IL7: variants seen among roughly 807,000 people sequenced by gnomAD.
The protein encoded by IL7 is interleukin-7.
Under a neutral mutation model 21.6 loss-of-function variants are expected in IL7, and 3 were observed. The ratio of observed to expected loss-of-function variants is 0.14; its 90% CI spans 0.06 to 0.36. The LOEUF is 0.36. IL7 is among the 10% of genes least tolerant of loss of function. The probability of loss-of-function intolerance (pLI) is 1.00; values close to 1 mark genes in which losing one functional copy is unlikely to be tolerated. For synonymous variants in IL7, 62 were observed against 68.1 expected, an observed-to-expected ratio of 0.91 and a Z score of 0.44; for missense variants, 175 against 200.2, an observed-to-expected ratio of 0.87 and a Z score of 0.76.
At chr8:78,746,435 A>G (rs1160482099) in intron 2 of IL7, among the ~76,000 whole-genome samples, 2 of 152,232 alleles carry the variant, frequency 1.3e-5, no homozygotes, top group African/African-American at 2.4e-5. Context: ...TATCCTTCCA[A>G]GATAGTTGCT....
intron 2 of IL7, among the ~76,000 whole-genome samples, chr8:78,744,228 A>T (rs1296070755): frequency 6.6e-6 from 1 of 151,868 alleles, no homozygotes; most frequent in Non-Finnish European, 1.5e-5. Flanking sequence ...CCTCCCTCTG[A>T]GACCTCTGTC....
chr8:78,743,602 T>C (rs1033606254), intron 2 of IL7, among the ~76,000 whole-genome samples: 4 of 152,198 alleles, frequency 2.6e-5, no homozygotes, highest in African/African-American at 7.2e-5. Flanking sequence ...ATTCTTGTAG[T>C]GTGTTTTTCA....
chr8:78,783,962 C>A (rs1357280199), intron 2 of IL7, among the ~76,000 whole-genome samples: 1 of 152,092 alleles, frequency 6.6e-6, no homozygotes, highest in African/African-American at 2.4e-5. Context: ...AGGTAAACTG[C>A]AAGTAAATAT....
chr8:78,722,901 T>C (rs1167548063), intron 3 of IL7, among the ~76,000 whole-genome samples: 2 of 151,442 alleles, frequency 1.3e-5, no homozygotes, highest in Non-Finnish European at 3.0e-5. Flanking sequence ...CTTGCAAAGC[T>C]CAAAAGGTAA....
At chr8:78,692,977 C>T (rs1381952929) in intron 3 of IL7, among the ~76,000 whole-genome samples, 1 of 151,898 alleles carries the variant, frequency 6.6e-6, no homozygotes, top group Non-Finnish European at 1.5e-5. Flanking sequence ...TGAGAACATG[C>T]GGTGTTTGGT....
At chr8:78,782,750 T>C (rs957244028) in intron 2 of IL7, among the ~76,000 whole-genome samples, 2 of 152,256 alleles carry the variant, frequency 1.3e-5, no homozygotes, top group African/African-American at 4.8e-5. Flanking sequence ...CCCACTCGTC[T>C]GAACTGCCTG....
intron 3 of IL7, among the ~76,000 whole-genome samples, chr8:78,689,068 C>A: frequency 6.7e-6 from 1 of 149,664 alleles, no homozygotes; most frequent in African/African-American, 2.4e-5. Context: ...TAAGTTTAGA[C>A]AAGTAAAACT....
At chr8:78,696,600 G>A (rs866497048) in intron 3 of IL7, among the ~76,000 whole-genome samples, 3 of 152,098 alleles carry the variant, frequency 2.0e-5, no homozygotes, top group African/African-American at 2.4e-5. Context: ...AATTAATAAA[G>A]ATGTCTCTTT....
chr8:78,739,896 G>C (rs1586057243), intron 3 of IL7, 106 bp downstream of exon 3: 1 of 993,296 alleles, frequency 1.0e-6, no homozygotes, highest in Non-Finnish European at 1.3e-6. Context: ...ATGTGATCAG[G>C]CTGCAAATAT....
rs148659652 is a variant in IL7, at chr8:78,754,445, G to A, written c.148-14363C>T. Among the ~76,000 whole-genome samples the A allele has an allele frequency of 7.2e-5, 11 of 152,098 alleles. No homozygotes were observed. The East Asian group carries it at 7.7e-4, about 11-fold the overall frequency. ...GCTCATGGAAAGAAGAATCAATGTC[G>A]TGAAAATGGCCATACTGCCCAAAGC... On this transcript the variant is annotated intron_variant, in intron 2 of 5. Coordinates refer to ENST00000263851, the MANE Select transcript of IL7 (RefSeq NM_000880.4).
At chr8:78,760,394 T>C (rs1157465849) in intron 2 of IL7, 5 of 1,606,790 alleles carry the variant, frequency 3.1e-6, no homozygotes, top group African/African-American at 2.7e-5. Flanking sequence ...CAGCAATGCA[T>C]ACACATTAGG....
chr8:78,713,276 G>A (rs1811003628), downstream of IL7, among the ~76,000 whole-genome samples: 1 of 151,990 alleles, frequency 6.6e-6, no homozygotes, highest in African/African-American at 2.4e-5. Flanking sequence ...CATTCTAGAT[G>A]TTACTAAAAA....
intron 4 of IL7, among the ~76,000 whole-genome samples, chr8:78,678,244 G>A (rs79374792): frequency 0.029 from 4,405 of 152,202 alleles, 100 homozygotes; most frequent in Middle Eastern, 0.048. Flanking sequence ...TCCTGTTTAA[G>A]ATGGAGTTGT....
intron 1 of IL7, among the ~76,000 whole-genome samples, chr8:78,802,707 A>G (rs1266948842): frequency 2.6e-5 from 4 of 152,168 alleles, no homozygotes; most frequent in African/African-American, 4.8e-5. Flanking sequence ...TGTTGGGATT[A>G]CAGGCTTGAG....
At chr8:78,708,458 G>C (rs779224024) in intron 3 of IL7, among the ~76,000 whole-genome samples, 2 of 151,856 alleles carry the variant, frequency 1.3e-5, no homozygotes, top group Non-Finnish European at 2.9e-5. Context: ...TGGGAGAGTC[G>C]CTTGAACCCA....
intron 2 of IL7, among the ~76,000 whole-genome samples, chr8:78,783,735 G>T (rs921264798): frequency 1.3e-5 from 2 of 152,100 alleles, no homozygotes; most frequent in Non-Finnish European, 2.9e-5. Context: ...TGTGATTAAT[G>T]AGACAATTTG....
intron 2 of IL7, among the ~76,000 whole-genome samples, chr8:78,768,328 T>A (rs527573981): frequency 2.0e-5 from 3 of 152,046 alleles, no homozygotes; most frequent in East Asian, 3.9e-4. Flanking sequence ...TAGTTCTAGA[T>A]CCCTGAGGAA....
At chr8:78,751,002 C>T (rs2130732979) in intron 2 of IL7, among the ~76,000 whole-genome samples, 1 of 151,140 alleles carries the variant, frequency 6.6e-6, no homozygotes, top group Middle Eastern at 3.5e-3. Flanking sequence ...CTTTGATGGG[C>T]TCATTAGTAG....
Position 78,805,175 on chromosome 8 carries a change from G to A in IL7, c.-253C>T. 4.4e-6 allele frequency: 2 copies of A among 450,728 alleles called. No individual in the cohort carries two copies. Among genetic ancestry groups the A allele is most frequent in the Non-Finnish European group, 4.0e-6 (1 of 250,520 alleles). The allele number at this position is 450,728 out of a possible 1,614,324, so 27.9% of individuals were successfully genotyped here. A position where few individuals can be genotyped will look rare whatever the true frequency, so the allele number is the denominator to read the frequency against. ...ATAACTTCCGTAGGATCCGCCAGCA[G>A]TGTACTTTCAGTTTCTACTTTGCGC... On this transcript the variant is annotated 5_prime_UTR_variant, in exon 1 of 6. Coordinates refer to ENST00000263851, the MANE Select transcript of IL7 (RefSeq NM_000880.4).
Sources: allele counts gnomAD v4.1 joint callset (sites outside exome capture counted in the v4.1 genomes callset), GRCh38; gene constraint gnomAD v4.1.1; transcripts MANE v1.5; gene names NCBI Gene and HGNC (gene_info 2026-07-23, HGNC 2026-07-21).